The following LMCD1 variants were observed in gnomAD, a reference collection of about 807,000 sequenced individuals.
LMCD1 encodes LIM and cysteine rich domains 1, also known as LIM and cysteine-rich domains protein 1.
Under a neutral mutation model 42.7 loss-of-function variants are expected in LMCD1, and 32 were observed. That is an observed-to-expected ratio of 0.75 (90% CI 0.57 to 1.01). The LOEUF (loss-of-function observed/expected upper bound fraction) is 1.01, where lower values mean the gene tolerates loss of function less well. Ranked by LOEUF, LMCD1 falls within the 50% of genes least tolerant of loss-of-function variation. The pLI, the probability that LMCD1 is intolerant of heterozygous loss-of-function variation, is 0.00. For missense variants in LMCD1, 458 were observed against 483.1 expected (o/e 0.95, Z 0.49); for synonymous variants, 178 against 184.9 (o/e 0.96, Z 0.30).
chr3:8,542,957 G>A (rs901634296), intron 3 of LMCD1, among the ~76,000 whole-genome samples: 12 of 152,144 alleles, frequency 7.9e-5, no homozygotes, highest in Non-Finnish European at 1.8e-4. Context: ...TGCTGAACAT[G>A]GAGAAGTCAG....
At chr3:8,542,337 G>T (rs1305960947) in intron 3 of LMCD1, among the ~76,000 whole-genome samples, 2 of 152,020 alleles carry the variant, frequency 1.3e-5, no homozygotes, top group Non-Finnish European at 2.9e-5. Context: ...GGATCACTGG[G>T]TCCTTGGGAA....
intron 5 of LMCD1, 92 bp from the exon 6 acceptor site, chr3:8,567,348 G>T: frequency 7.7e-7 from 1 of 1,306,344 alleles, no homozygotes; most frequent in East Asian, 2.5e-5. Flanking sequence ...AATAGGATGG[G>T]ATGAACCACC....
Position 8,558,391 on chromosome 3 carries a change from C to T in LMCD1, c.724-7041C>T, listed in dbSNP as rs1479670341. Among the ~76,000 whole-genome samples, 4 of 152,352 alleles carry T rather than the reference C, an allele frequency of 2.6e-5. No individual in the cohort carries two copies. In the East Asian group the frequency reaches 7.7e-4, roughly 29 times the overall value. On this transcript the variant is annotated intron_variant, in intron 4 of 5. Transcript: ENST00000157600. ...AATCTTTCATTTCAATTAAGAATCTCATGCCATTAGAATAAGGAACAAGGC... is the reference window on the plus strand; with the variant it reads ...AATCTTTCATTTCAATTAAGAATCTTATGCCATTAGAATAAGGAACAAGGC...
chr3:8,552,408 C>A (rs979222150), intron 4 of LMCD1, among the ~76,000 whole-genome samples: 2 of 152,300 alleles, frequency 1.3e-5, no homozygotes, highest in Admixed American at 6.5e-5. Context: ...TTCTTTACAG[C>A]AGAACTTCTC....
At chr3:8,517,288 T>C (rs1694117780) in intron 1 of LMCD1, among the ~76,000 whole-genome samples, 1 of 152,160 alleles carries the variant, frequency 6.6e-6, no homozygotes, top group Non-Finnish European at 1.5e-5. Flanking sequence ...TTGTATAAAA[T>C]TACCCCCCAA....
At chr3:8,504,236 T>C (rs984396629) in intron 1 of LMCD1, among the ~76,000 whole-genome samples, 6 of 152,312 alleles carry the variant, frequency 3.9e-5, no homozygotes, top group Non-Finnish European at 8.8e-5. Flanking sequence ...CTTGCTGAAC[T>C]GAATGTCACA....
chr3:8,561,715 A>G (rs1695041241), intron 4 of LMCD1, among the ~76,000 whole-genome samples: 1 of 152,236 alleles, frequency 6.6e-6, no homozygotes, highest in Admixed American at 6.5e-5. Context: ...TCTAAGAGAG[A>G]AGATAATGAT....
intron 1 of LMCD1, among the ~76,000 whole-genome samples, chr3:8,531,621 T>C (rs1169470395): frequency 2.0e-5 from 3 of 152,218 alleles, no homozygotes; most frequent in African/African-American, 7.2e-5. Flanking sequence ...GTGCCTCTTT[T>C]ACTACACAAC....
chr3:8,554,576 C>T (rs1318688862), intron 4 of LMCD1, among the ~76,000 whole-genome samples: 1 of 152,116 alleles, frequency 6.6e-6, no homozygotes, highest in Non-Finnish European at 1.5e-5. Flanking sequence ...TCAGAGATCT[C>T]CGTGGCCAGG....
At chr3:8,556,385 A>C (rs1254980627) in intron 4 of LMCD1, among the ~76,000 whole-genome samples, 1 of 151,950 alleles carries the variant, frequency 6.6e-6, no homozygotes, top group African/African-American at 2.4e-5. Flanking sequence ...TTTTTCCAGG[A>C]AGCTTTTTTT....
At chr3:8,567,063 C>T (rs1379661575) in intron 5 of LMCD1, among the ~76,000 whole-genome samples, 3 of 152,186 alleles carry the variant, frequency 2.0e-5, no homozygotes, top group Non-Finnish European at 2.9e-5. Flanking sequence ...CCAAGTGACC[C>T]TCTGTATTCT....
chr3:8,506,493 A>G (rs1224205302), intron 1 of LMCD1, among the ~76,000 whole-genome samples: 1 of 152,160 alleles, frequency 6.6e-6, no homozygotes, highest in African/African-American at 2.4e-5. Context: ...GCCACTTCCC[A>G]AGAGGAAAAG....
At chr3:8,535,895 C>T (rs1475213235) in intron 2 of LMCD1, among the ~76,000 whole-genome samples, 39 of 152,192 alleles carry the variant, frequency 2.6e-4, no homozygotes, top group Non-Finnish European at 7.3e-5. Flanking sequence ...AGAATGTTTA[C>T]AGCATCCCTG....
intron 4 of LMCD1, chr3:8,550,692 A>G: frequency 1.0e-6 from 1 of 984,654 alleles, no homozygotes; most frequent in Non-Finnish European, 1.2e-6. Context: ...AAAGAAAAAA[A>G]TATTAGATCT....
chr3:8,549,005 A>G (rs1694791440), intron 4 of LMCD1, 102 bp downstream of exon 4: 2 of 856,600 alleles, frequency 2.3e-6, no homozygotes, highest in Non-Finnish European at 3.4e-6. Context: ...TCATGCATTT[A>G]TTCATGAATT....
intron 3 of LMCD1, among the ~76,000 whole-genome samples, chr3:8,538,900 G>A (rs1270145953): frequency 2.0e-5 from 3 of 152,208 alleles, no homozygotes; most frequent in Non-Finnish European, 4.4e-5. Flanking sequence ...GGCCAGAGAT[G>A]CTCTAAGTGT....
At position 8,568,889 on chromosome 3, in the gene LMCD1, A is replaced by C. The variant is rs1042450070; in HGVS notation, c.*1291A>C. ...CCTCATCTGCTGCCAGTTTTCTTTA[A>C]CCTCACCATCCAAATTTCACTCTGA... On this transcript the variant is annotated 3_prime_UTR_variant, in exon 6 of 6. Transcript: ENST00000157600. 3 of 152,082 alleles carry C rather than the reference A, an allele frequency of 2.0e-5. No homozygotes were observed. Among genetic ancestry groups the C allele is most frequent in the Non-Finnish European group, 4.4e-5 (3 of 68,030 alleles). The allele number at this position is 152,082 out of a possible 1,614,324, so 9.4% of individuals were successfully genotyped here.
At chr3:8,554,933 A>C (rs564694049) in intron 4 of LMCD1, among the ~76,000 whole-genome samples, 46 of 151,946 alleles carry the variant, frequency 3.0e-4, no homozygotes, top group Non-Finnish European at 5.9e-4. Flanking sequence ...AGCATTTACC[A>C]TTCCTGCCGG....
At chr3:8,559,902 T>C (rs1694999759) in intron 4 of LMCD1, among the ~76,000 whole-genome samples, 1 of 152,138 alleles carries the variant, frequency 6.6e-6, no homozygotes, top group Non-Finnish European at 1.5e-5. Context: ...TGGCTACTGG[T>C]AGAAACCAGT....
Sources: allele counts gnomAD v4.1 joint callset (sites outside exome capture counted in the v4.1 genomes callset), GRCh38; gene constraint gnomAD v4.1.1; transcripts MANE v1.5; gene names NCBI Gene and HGNC (gene_info 2026-07-23, HGNC 2026-07-21).